The following STK31 variants were observed in gnomAD, a reference collection of about 807,000 sequenced individuals.
STK31 encodes the protein serine/threonine kinase 31.
In STK31, 89 loss-of-function variants were observed where a neutral mutation model predicts 129.7. The ratio of observed to expected loss-of-function variants is 0.69; its 90% CI spans 0.58 to 0.82. The LOEUF is 0.82. Ranked by LOEUF, STK31 falls within the 40% of genes least tolerant of loss-of-function variation. The pLI, the probability that STK31 is intolerant of heterozygous loss-of-function variation, is 0.00. For missense variants in STK31, 1,187 were observed against 1,176.4 expected (o/e 1.01, Z -0.13); for synonymous variants, 448 against 395.3 (o/e 1.13, Z -1.58).
chr7:23,813,397 T>A (rs530258493), intron 22 of STK31, among the ~76,000 whole-genome samples: 56 of 152,322 alleles, frequency 3.7e-4, no homozygotes, highest in African/African-American at 1.3e-3. Context: ...GATTGCAGTT[T>A]CTCGTTGAAG....
intron 6 of STK31, among the ~76,000 whole-genome samples, chr7:23,731,843 T>C (rs1340820994): frequency 6.6e-6 from 1 of 152,248 alleles, no homozygotes; most frequent in Non-Finnish European, 1.5e-5. Context: ...TTTTCTAATA[T>C]ATACAGGCAG....
intron 15 of STK31, among the ~76,000 whole-genome samples, chr7:23,776,534 C>T (rs1221301686): frequency 2.6e-5 from 4 of 152,058 alleles, no homozygotes; most frequent in Non-Finnish European, 5.9e-5. Flanking sequence ...TTCAGGGATT[C>T]GACTTCTTCC....
chr7:23,783,647 G>C lies in STK31; in HGVS notation c.2132G>C (p.Gly711Ala), dbSNP rs150069675. 5.3e-5 allele frequency: 86 copies of C among 1,611,254 alleles called. No individual in the cohort carries two copies. Among genetic ancestry groups the C allele is most frequent in the South Asian group, 3.9e-4 (35 of 90,532 alleles). ...PELPLLHPEI[G>A]LLKYMNSGGL... is the part of the protein sequence containing the mutation. Reference sequence around the variant, plus strand: ...CTGCCTCTGCTTCATCCTGAAATAGGATTACTCAAATACATGGTAAACTTT... The same window carrying C: ...CTGCCTCTGCTTCATCCTGAAATAGCATTACTCAAATACATGGTAAACTTT... The change falls in exon 17 of 24, where the codon GGA (glycine) becomes GCA (alanine). Residue 711 changes from glycine to alanine, a missense_variant. Coordinates refer to ENST00000355870, the MANE Select transcript of STK31 (RefSeq NM_031414.5).
At chr7:23,824,690 A>G (rs961480419) in intron 23 of STK31, among the ~76,000 whole-genome samples, 4 of 152,160 alleles carry the variant, frequency 2.6e-5, no homozygotes, top group Non-Finnish European at 4.4e-5. Flanking sequence ...TTCAAAGGGA[A>G]TGCTTCCAGT....
chr7:23,730,564 C>A (rs1787340235), intron 6 of STK31, among the ~76,000 whole-genome samples: 2 of 151,684 alleles, frequency 1.3e-5, no homozygotes, highest in South Asian at 4.2e-4. Flanking sequence ...TGTTTACGGA[C>A]CTTAGAATAT....
chr7:23,805,558 A>C (rs1444016044), intron 22 of STK31, among the ~76,000 whole-genome samples: 3 of 152,112 alleles, frequency 2.0e-5, no homozygotes, highest in Non-Finnish European at 4.4e-5. Context: ...TATACAGCTC[A>C]TTGCAGCCTC....
chr7:23,712,543 A>G (rs745613634), intron 3 of STK31, among the ~76,000 whole-genome samples: 5 of 152,178 alleles, frequency 3.3e-5, no homozygotes, highest in Non-Finnish European at 7.3e-5. Flanking sequence ...TGATTTCAGA[A>G]TTCCACTCAA....
intron 16 of STK31, among the ~76,000 whole-genome samples, chr7:23,782,516 T>C (rs1584438159): frequency 6.6e-6 from 1 of 150,390 alleles, no homozygotes; most frequent in East Asian, 1.9e-4. Context: ...AGTAATAATA[T>C]TAATACTGTG....
At chr7:23,811,910 T>C in intron 22 of STK31, among the ~76,000 whole-genome samples, 1 of 152,226 alleles carries the variant, frequency 6.6e-6, no homozygotes, top group Admixed American at 6.5e-5. Flanking sequence ...CTCCCCACTT[T>C]TAAATATCAT....
chr7:23,791,641 A>T (rs1791623547), intron 22 of STK31, among the ~76,000 whole-genome samples: 3 of 152,226 alleles, frequency 2.0e-5, no homozygotes, highest in African/African-American at 7.2e-5. Context: ...ACAAAAAAAT[A>T]AAAAGCTTGT....
intron 11 of STK31, among the ~76,000 whole-genome samples, chr7:23,765,012 G>T (rs1789723189): frequency 6.7e-6 from 1 of 150,048 alleles, no homozygotes; most frequent in African/African-American, 2.4e-5. Context: ...CTTTCTTTTT[G>T]GTTAACACTG....
intron 3 of STK31, among the ~76,000 whole-genome samples, chr7:23,712,493 A>C (rs73080921): frequency 1.3e-5 from 2 of 152,182 alleles, no homozygotes; most frequent in Admixed American, 6.5e-5. Context: ...TGTTATGCCC[A>C]TAATACACCA....
intron 22 of STK31, among the ~76,000 whole-genome samples, chr7:23,806,901 GAAAAA>G (rs34751124): frequency 1.3e-4 from 10 of 75,972 alleles, no homozygotes; most frequent in Admixed American, 4.9e-4. Context: ...CTCCGTCTCA[GAAAAA>G]AAAAAAAAAA....
intron 9 of STK31, 118 bp downstream of exon 9, chr7:23,752,950 G>C: frequency 1.5e-6 from 1 of 661,420 alleles, no homozygotes; most frequent in Admixed American, 2.9e-5. Flanking sequence ...GTATTTTTAT[G>C]ACTTCAAAGA....
intron 12 of STK31, 83 bp from the exon 13 acceptor site, chr7:23,769,557 A>T: frequency 1.1e-6 from 1 of 949,782 alleles, no homozygotes; most frequent in Non-Finnish European, 1.6e-6. Flanking sequence ...GGTATAGCTT[A>T]ATACTCTGCT....
chr7:23,716,494 C>T (rs1173812758), intron 3 of STK31, among the ~76,000 whole-genome samples: 1 of 152,052 alleles, frequency 6.6e-6, no homozygotes, highest in Admixed American at 6.6e-5. Context: ...ACTTTTCACC[C>T]ACGAATTTTA....
intron 22 of STK31, among the ~76,000 whole-genome samples, chr7:23,800,839 C>A (rs185979441): frequency 8.3e-6 from 1 of 120,890 alleles, no homozygotes; most frequent in Non-Finnish European, 1.7e-5. Context: ...TAGCTTCTTT[C>A]ATTCAGCATG....
At chr7:23,803,222 T>G (rs953476331) in intron 22 of STK31, among the ~76,000 whole-genome samples, 3 of 152,118 alleles carry the variant, frequency 2.0e-5, no homozygotes, top group African/African-American at 7.2e-5. Context: ...AAGCACATAG[T>G]GTAAAATATA....
intron 22 of STK31, among the ~76,000 whole-genome samples, chr7:23,809,263 C>G (rs1353165988): frequency 7.3e-5 from 11 of 151,516 alleles, no homozygotes; most frequent in Non-Finnish European, 5.9e-5. Flanking sequence ...CACTGCATTA[C>G]TTTAATTGAG....
Sources: gnomAD v4.1 joint callset for allele counts (sites outside exome capture counted in the v4.1 genomes callset) on GRCh38, gnomAD v4.1.1 for gene constraint, MANE v1.5 for transcripts, NCBI Gene and HGNC (gene_info 2026-07-23, HGNC 2026-07-21) for gene names.